The following FOXA3 variants were observed in gnomAD, a reference collection of about 807,000 sequenced individuals.
FOXA3 encodes the protein hepatocyte nuclear factor 3-gamma.
In FOXA3, 11 loss-of-function variants were observed where a neutral mutation model predicts 16.9. That is an observed-to-expected ratio of 0.65 (90% CI 0.41 to 1.08). The LOEUF (loss-of-function observed/expected upper bound fraction) is 1.08, where lower values mean the gene tolerates loss of function less well. FOXA3 is among the 50% of genes least tolerant of loss of function. The pLI is 0.00. For synonymous variants in FOXA3, 217 were observed against 203.3 expected (o/e 1.07, Z -0.57); for missense variants, 423 against 470.1 (o/e 0.90, Z 0.93).
At chr19:45,867,460 C>CATGG (rs1215626960) in intron 1 of FOXA3, among the ~76,000 whole-genome samples, 1 of 126,510 alleles carries the variant, frequency 7.9e-6, no homozygotes. Context: ...TAGATAGATG[C>CATGG]ATGGATGGAT....
chr19:45,864,608 G>A lies in FOXA3; in HGVS notation c.69+83G>A, dbSNP rs1023502054. ...CACATGGAGCAGGGACTGGTTGTGGGTTCAAATGGAGGCAAAGGCGTCTAC... is the reference window on the plus strand; with the variant it reads ...CACATGGAGCAGGGACTGGTTGTGGATTCAAATGGAGGCAAAGGCGTCTAC... On this transcript the variant is annotated intron_variant, in intron 1 of 1. Transcript: ENST00000302177. The A allele has an allele frequency of 9.3e-6, 11 of 1,187,820 alleles. No individual in the cohort carries two copies. The African/African-American group carries it at 1.4e-4, about 15-fold the overall frequency. The allele number at this position is 1,187,820 out of a possible 1,614,324, so 73.6% of individuals were successfully genotyped here.
rs751110393 is a variant in FOXA3, at chr19:45,864,485, A to T, written c.29A>T (p.His10Leu). The change falls in exon 1 of 2, where the codon CAT becomes CTT. Residue 10 changes from histidine to leucine, a missense_variant. His to Leu is a moderately conservative substitution (Grantham distance 99). Around this residue, in one of 3 missense-constraint regions of FOXA3, gnomAD observed 170 missense variants for 153.9 expected, o/e 1.10. Transcript: ENST00000302177. ...CTGGGCTCAGTGAAGATGGAGGCCCATGACCTGGCCGAGTGGAGCTACTAC... is the reference window on the plus strand; with the variant it reads ...CTGGGCTCAGTGAAGATGGAGGCCCTTGACCTGGCCGAGTGGAGCTACTAC... MLGSVKMEA[H>L]DLAEWSYYPE... 6.5e-7 allele frequency: 1 copy of T among 1,543,276 alleles called. No homozygotes were observed. Among genetic ancestry groups the T allele is most frequent in the Non-Finnish European group, 8.8e-7 (1 of 1,142,816 alleles).
chr19:45,869,085 GC>G (rs1972110925), intron 1 of FOXA3, among the ~76,000 whole-genome samples: 1 of 152,004 alleles, frequency 6.6e-6, no homozygotes, highest in African/African-American at 2.4e-5. Flanking sequence ...GTGCCACCAT[GC>G]CCGGCTAATT....
chr19:45,867,260 C>T (rs1972092407), intron 1 of FOXA3, among the ~76,000 whole-genome samples: 1 of 152,076 alleles, frequency 6.6e-6, no homozygotes, highest in African/African-American at 2.4e-5. Flanking sequence ...CCCCTCTAAT[C>T]CATCACCTTC....
intron 1 of FOXA3, among the ~76,000 whole-genome samples, chr19:45,865,091 C>T (rs939198015): frequency 2.0e-5 from 3 of 151,908 alleles, no homozygotes; most frequent in Non-Finnish European, 4.4e-5. Flanking sequence ...GATGGGGGTG[C>T]TCAGAGATGA....
chr19:45,866,901 TC>T (rs1373237718), intron 1 of FOXA3, among the ~76,000 whole-genome samples: 1 of 152,108 alleles, frequency 6.6e-6, no homozygotes. Flanking sequence ...GTCACACCCT[TC>T]TCCAGAGACA....
Position 45,872,531 on chromosome 19 carries a change from G to A in FOXA3, c.526G>A (p.Val176Ile), listed in dbSNP as rs751569343. The A allele has an allele frequency of 1.7e-5, 28 of 1,614,030 alleles. No homozygotes were observed. Among genetic ancestry groups the A allele is most frequent in the South Asian group, 1.4e-4 (13 of 91,092 alleles). Residue 176 changes from valine to isoleucine, a missense_variant, in exon 2 of 2, where the codon GTC becomes ATC. Coordinates refer to ENST00000302177, the MANE Select transcript of FOXA3 (RefSeq NM_004497.3). The surrounding 1 kb of genome is among the most constrained non-coding windows in gnomAD (Gnocchi z 4.5). Reference protein sequence around the residue: ...RHSLSFNDCFVKVARSPDKPG... With the variant: ...RHSLSFNDCFIKVARSPDKPG... ...CTCGCTGTCTTTCAACGACTGCTTC[G>A]TCAAGGTGGCGCGTTCCCCAGACAA...
chr19:45,869,935 G>A (rs1472346253), intron 1 of FOXA3, among the ~76,000 whole-genome samples: 5 of 151,718 alleles, frequency 3.3e-5, no homozygotes, highest in African/African-American at 1.2e-4. Context: ...ACAGGCGCCC[G>A]CCACCATACC....
chr19:45,871,429 T>C (rs2146362458), intron 1 of FOXA3, among the ~76,000 whole-genome samples: 1 of 152,114 alleles, frequency 6.6e-6, no homozygotes, highest in East Asian at 1.9e-4. Context: ...TGAAAAGGGC[T>C]AATAATAACT....
At chr19:45,870,172 C>CT (rs61352328) in intron 1 of FOXA3, among the ~76,000 whole-genome samples, 190 of 130,062 alleles carry the variant, frequency 1.5e-3, no homozygotes, top group South Asian at 1.7e-3. Flanking sequence ...GTTATAATAA[C>CT]TTTTTTTTTT....
At position 45,872,110 on chromosome 19, in the gene FOXA3, C is replaced by T. The variant is rs1453398886; in HGVS notation, c.105C>T (p.Ala35=). Residue 35 remains alanine, a synonymous_variant, in exon 2 of 2, where the codon GCC becomes GCT. Coordinates refer to ENST00000302177, the MANE Select transcript of FOXA3 (RefSeq NM_004497.3). This position sits in a 1 kb window ranked among gnomAD's most constrained non-coding sequence, Gnocchi z 4.5. ...YSPVTPVPTM[A]PLNSYMTLNP... ...CGGTGACCCCAGTGCCCACCATGGC[C>T]CCCCTCAACTCCTACATGACCCTGA... 1 of 1,606,974 alleles carries T rather than the reference C, an allele frequency of 6.2e-7. No homozygotes were observed. The highest frequency in any genetic ancestry group is 2.2e-5 in the East Asian group (1 of 44,846).
At chr19:45,871,398 T>G (rs997651010) in intron 1 of FOXA3, among the ~76,000 whole-genome samples, 3 of 152,022 alleles carry the variant, frequency 2.0e-5, no homozygotes, top group Non-Finnish European at 4.4e-5. Context: ...AACTCCACTG[T>G]ACACTTCATG....
At position 45,872,141 on chromosome 19, in the gene FOXA3, C is replaced by T. The variant is rs754364880; in HGVS notation, c.136C>T (p.Leu46=). 2.6e-5 allele frequency: 42 copies of T among 1,596,062 alleles called. No homozygotes were observed. The highest frequency in any genetic ancestry group is 3.4e-5 in the Non-Finnish European group (40 of 1,171,572). The part of the protein sequence containing the change: ...PLNSYMTLNP[L]SSPYPPGGLP... Reference sequence around the variant, plus strand: ...CAACTCCTACATGACCCTGAATCCTCTAAGCTCTCCCTATCCCCCTGGGGG... The same window carrying T: ...CAACTCCTACATGACCCTGAATCCTTTAAGCTCTCCCTATCCCCCTGGGGG... Residue 46 remains leucine, a synonymous_variant, in exon 2 of 2, where the codon CTA becomes TTA. Transcript: ENST00000302177. This position sits in a 1 kb window ranked among gnomAD's most constrained non-coding sequence, Gnocchi z 4.5.
intron 1 of FOXA3, among the ~76,000 whole-genome samples, chr19:45,869,601 CA>C (rs1972115532): frequency 6.6e-6 from 1 of 152,112 alleles, no homozygotes; most frequent in Non-Finnish European, 1.5e-5. Context: ...ATTTTACAGT[CA>C]ACAGTGTCCT....
Position 45,873,089 on chromosome 19 carries a change from C to T in FOXA3, c.*31C>T, listed in dbSNP as rs1202259780. 3.8e-6 allele frequency: 6 copies of T among 1,563,124 alleles called. No homozygotes were observed. Among genetic ancestry groups the T allele is most frequent in the South Asian group, 1.2e-5 (1 of 85,332 alleles). ...GTTGGGAACATGGTGGTGGGTATGG[C>T]TGGAGCTCACACCACGAAGCTCTTG... On this transcript the variant is annotated 3_prime_UTR_variant, in exon 2 of 2. Transcript: ENST00000302177.
At chr19:45,866,758 C>G (rs370408212) in intron 1 of FOXA3, among the ~76,000 whole-genome samples, 3 of 152,154 alleles carry the variant, frequency 2.0e-5, no homozygotes, top group South Asian at 2.1e-4. Flanking sequence ...TCTTGCAGAT[C>G]AGCTGGTCCA....
In FOXA3 at chr19:45,873,208, A is replaced by G. The variant is rs570480085; in HGVS notation, c.*150A>G. 1 of 1,272,042 alleles carries G rather than the reference A, an allele frequency of 7.9e-7. No individual in the cohort carries two copies. Among genetic ancestry groups the G allele is most frequent in the Non-Finnish European group, 1.1e-6 (1 of 921,980 alleles). 78.8% of individuals were successfully genotyped at this position (1,272,042 alleles called of 1,614,324 possible). A position where few individuals can be genotyped will look rare whatever the true frequency, so the allele number is the denominator to read the frequency against. ...TGTGATGACTGCTGTCTCAGTGGGCATGGTGTTGATCCACGGGGTACTGTG... is the reference window on the plus strand; with the variant it reads ...TGTGATGACTGCTGTCTCAGTGGGCGTGGTGTTGATCCACGGGGTACTGTG... On this transcript the variant is annotated 3_prime_UTR_variant, in exon 2 of 2. Transcript: ENST00000302177.
chr19:45,871,336 T>A (rs945000033), intron 1 of FOXA3, among the ~76,000 whole-genome samples: 1 of 152,088 alleles, frequency 6.6e-6, no homozygotes, highest in Admixed American at 6.6e-5. Flanking sequence ...ACAGCTGGAT[T>A]CTCCTGGTTG....
chr19:45,873,110 T>C lies in FOXA3; in HGVS notation c.*52T>C. Reference sequence around the variant, plus strand: ...ATGGCTGGAGCTCACACCACGAAGCTCTTGGGGCCTGATCCTTCTGGTGAC... The same window carrying C: ...ATGGCTGGAGCTCACACCACGAAGCCCTTGGGGCCTGATCCTTCTGGTGAC... On this transcript the variant is annotated 3_prime_UTR_variant, in exon 2 of 2. Coordinates refer to ENST00000302177, the MANE Select transcript of FOXA3 (RefSeq NM_004497.3). 6.4e-7 allele frequency: 1 copy of C among 1,553,752 alleles called. No homozygotes were observed.
Sources: allele counts gnomAD v4.1 joint callset (sites outside exome capture counted in the v4.1 genomes callset), GRCh38; gene constraint gnomAD v4.1.1; regional missense constraint gnomAD v4.1.1; non-coding constraint Gnocchi (gnomAD v3.1); transcripts MANE v1.5; gene names NCBI Gene and HGNC (gene_info 2026-07-23, HGNC 2026-07-21).